SGIP1: variants seen among roughly 807,000 people sequenced by gnomAD.
SGIP1 encodes SH3-containing GRB2-like protein 3-interacting protein 1.
A neutral mutation model predicts 107.5 loss-of-function variants in SGIP1; 38 were observed. The observed-to-expected ratio is 0.35, with a 90% CI of 0.27 to 0.46. SGIP1 has a LOEUF of 0.46. Among genes scored for constraint, SGIP1 ranks in the 20% least tolerant of loss-of-function variants. SGIP1 has a pLI of 1.00. For missense variants in SGIP1, 929 were observed against 1,019.5 expected (o/e 0.91, Z 1.21); for synonymous variants, 365 against 366.1 (o/e 1.00, Z 0.03).
chr1:66,710,349 G>A (rs78271769), intron 18 of SGIP1, among the ~76,000 whole-genome samples: 1,980 of 152,154 alleles, frequency 0.013, 44 homozygotes, highest in African/African-American at 0.045. Flanking sequence ...TATGTTACAT[G>A]ACACGACTGT....
At chr1:66,579,374 A>G (rs945826729) in intron 1 of SGIP1, among the ~76,000 whole-genome samples, 6 of 152,324 alleles carry the variant, frequency 3.9e-5, no homozygotes, top group African/African-American at 9.6e-5. Flanking sequence ...GCCTATTATC[A>G]GAAGTCTTTA....
At chr1:66,653,386 T>C (rs138180343) in intron 7 of SGIP1, among the ~76,000 whole-genome samples, 162 of 152,254 alleles carry the variant, frequency 1.1e-3, no homozygotes, top group African/African-American at 3.8e-3. Context: ...CACCTTACTC[T>C]GGTAAAAAGA....
chr1:66,655,681 C>T (rs9662962), intron 7 of SGIP1, among the ~76,000 whole-genome samples: 98,155 of 151,978 alleles, frequency 0.65, 32,603 homozygotes, highest in East Asian at 1. Context: ...TGTAACACAA[C>T]GGTATCTGTG....
intron 4 of SGIP1, among the ~76,000 whole-genome samples, chr1:66,639,274 CTG>C (rs1199946614): frequency 1.3e-5 from 2 of 152,244 alleles, no homozygotes; most frequent in South Asian, 2.1e-4. Flanking sequence ...CTGACTTACT[CTG>C]TGTTTTATCA....
At chr1:66,536,919 C>G (rs890496492) in intron 1 of SGIP1, among the ~76,000 whole-genome samples, 17 of 152,190 alleles carry the variant, frequency 1.1e-4, no homozygotes, top group Admixed American at 2.6e-4. Context: ...TTCAAAGGCA[C>G]TTCTCTACTT....
chr1:66,678,353 G>C (rs1319101338), intron 13 of SGIP1, among the ~76,000 whole-genome samples: 1 of 152,234 alleles, frequency 6.6e-6, no homozygotes, highest in African/African-American at 2.4e-5. Flanking sequence ...CTTACGTGCT[G>C]TGGTTACACT....
chr1:66,568,458 A>G (rs979528459), intron 1 of SGIP1, among the ~76,000 whole-genome samples: 1 of 151,772 alleles, frequency 6.6e-6, no homozygotes, highest in South Asian at 2.1e-4. Context: ...AATTTGACTT[A>G]TTTTCTTCCT....
rs1156593275 is a variant in SGIP1, at chr1:66,633,061, T to C, written c.75-9T>C. The C allele has an allele frequency of 6.6e-7, 1 of 1,519,282 alleles. No homozygotes were observed. Among genetic ancestry groups the C allele is most frequent in the African/African-American group, 1.4e-5 (1 of 72,856 alleles). 94.1% of individuals were successfully genotyped at this position (1,519,282 alleles called of 1,614,324 possible). On this transcript the variant is annotated splice_polypyrimidine_tract_variant and intron_variant, in intron 2 of 24. Coordinates refer to ENST00000371037, the MANE Select transcript of SGIP1 (RefSeq NM_032291.4). The stretch of plus-strand genomic sequence containing the variant: ...TATCATAATAGCTATCAATTTCTTT[T>C]TGTTACAGAGGTTCACCAGATAGAG...
intron 9 of SGIP1, among the ~76,000 whole-genome samples, chr1:66,670,224 A>G (rs1229229421): frequency 6.6e-6 from 1 of 152,212 alleles, no homozygotes; most frequent in Non-Finnish European, 1.5e-5. Context: ...TCTGGTTTTT[A>G]ATCAAAACTC....
intron 7 of SGIP1, among the ~76,000 whole-genome samples, chr1:66,644,531 C>G (rs2077330036): frequency 6.6e-6 from 1 of 150,846 alleles, no homozygotes; most frequent in South Asian, 2.1e-4. Flanking sequence ...AAACTGGCAG[C>G]TAATGTGTTC....
rs546036701 is a variant in SGIP1, at chr1:66,703,137, C to G, written c.1630+7644C>G. Among the ~76,000 whole-genome samples the G allele has an allele frequency of 2.0e-5, 3 of 152,310 alleles. No individual in the cohort carries two copies. In the South Asian group the frequency reaches 6.2e-4, roughly 32 times the overall value. ...TTGCATTCAGTGCTTCACAACCAGT[C>G]CATGAGCTCTTCTAGCTACAAGCCC... On this transcript the variant is annotated intron_variant, in intron 18 of 24. Coordinates refer to ENST00000371037, the MANE Select transcript of SGIP1 (RefSeq NM_032291.4).
Position 66,661,870 on chromosome 1 carries a change from C to G in SGIP1, c.471+1346C>G, listed in dbSNP as rs923838059. Among the ~76,000 whole-genome samples, 7 of 152,064 alleles carry G rather than the reference C, an allele frequency of 4.6e-5. 1 individual carries two copies. Among genetic ancestry groups the G allele is most frequent in the Admixed American group, 3.9e-4 (6 of 15,268 alleles). On this transcript the variant is annotated intron_variant, in intron 8 of 24. Transcript: ENST00000371037. ...AATTTTAACTACAAGAATATCCCCCCCATCATTCCCTCACCTCATTTTTCT... is the reference window on the plus strand; with the variant it reads ...AATTTTAACTACAAGAATATCCCCCGCATCATTCCCTCACCTCATTTTTCT...
chr1:66,630,731 G>C (rs990330652), intron 2 of SGIP1, among the ~76,000 whole-genome samples: 1 of 148,396 alleles, frequency 6.7e-6, no homozygotes, highest in Non-Finnish European at 1.5e-5. Context: ...ACTTGAGCCT[G>C]GGAGGCAGAG....
At chr1:66,566,432 T>C (rs1263336972) in intron 1 of SGIP1, among the ~76,000 whole-genome samples, 1 of 152,026 alleles carries the variant, frequency 6.6e-6, no homozygotes, top group Non-Finnish European at 1.5e-5. Context: ...AAGAAAAGAA[T>C]GCACTTTTTC....
In SGIP1 at chr1:66,625,835, G is replaced by C; in HGVS notation, c.11-12G>C. 6.2e-7 allele frequency: 1 copy of C among 1,611,208 alleles called. No individual in the cohort carries two copies. The highest frequency in any genetic ancestry group is 8.5e-7 in the Non-Finnish European group (1 of 1,178,364). On this transcript the variant is annotated splice_polypyrimidine_tract_variant and intron_variant, in intron 1 of 24. Transcript: ENST00000371037. ...CTGAGAGAGTTTTTGACCCTTTGCT[G>C]TTTTCCCACAGGATTGAAAAAACGT...
intron 17 of SGIP1, 22 bp from the exon 18 acceptor site, chr1:66,695,412 G>C (rs371954900): frequency 6.2e-7 from 1 of 1,613,390 alleles, no homozygotes; most frequent in Admixed American, 1.7e-5. Context: ...TTCCCATCCC[G>C]CTTCAACTCC....
At chr1:66,652,399 G>A (rs1357840507) in intron 7 of SGIP1, among the ~76,000 whole-genome samples, 1 of 152,172 alleles carries the variant, frequency 6.6e-6, no homozygotes, top group Non-Finnish European at 1.5e-5. Context: ...GTGAGAGCAG[G>A]AGCTGACCTA....
chr1:66,567,417 G>A (rs2059800916), intron 1 of SGIP1, among the ~76,000 whole-genome samples: 1 of 151,994 alleles, frequency 6.6e-6, no homozygotes, highest in African/African-American at 2.4e-5. Context: ...TTTGTCAGAT[G>A]GGTAGATTGC....
chr1:66,736,254 T>G (rs12140355), intron 21 of SGIP1, among the ~76,000 whole-genome samples: 102 of 37,258 alleles, frequency 2.7e-3, no homozygotes, highest in African/African-American at 9.5e-3. Context: ...TATACAAATA[T>G]TTTAAATATA....
Sources: allele counts gnomAD v4.1 joint callset (sites outside exome capture counted in the v4.1 genomes callset), GRCh38; gene constraint gnomAD v4.1.1; transcripts MANE v1.5; gene names NCBI Gene and HGNC (gene_info 2026-07-23, HGNC 2026-07-21).